Variants in GALNT13 observed in about 807,000 individuals in gnomAD.
GALNT13 encodes the protein polypeptide N-acetylgalactosaminyltransferase 13.
A neutral mutation model predicts 64.2 loss-of-function variants in GALNT13; 28 were observed. That is an observed-to-expected ratio of 0.44 (90% confidence interval 0.32 to 0.60). GALNT13 has a LOEUF of 0.60. GALNT13 is among the 20% of genes least tolerant of loss of function. The pLI is 0.05. For synonymous variants in GALNT13, 214 were observed against 224.6 expected, an observed-to-expected ratio of 0.95 and a Z score of 0.42; for missense variants, 577 against 669.8, an observed-to-expected ratio of 0.86 and a Z score of 1.53.
the GALNT13 span, among the ~76,000 whole-genome samples, chr2:153,794,524 C>CTT: frequency 0.085 from 12,397 of 146,296 alleles, 1,112 homozygotes; most frequent in African/African-American, 0.22. Flanking sequence ...ATTAGAATAA[C>CTT]TTTTTTTTTT....
At chr2:154,240,802 G>A (rs574781373) in intron 4 of GALNT13, among the ~76,000 whole-genome samples, 7 of 152,296 alleles carry the variant, frequency 4.6e-5, no homozygotes, top group South Asian at 2.1e-4. Flanking sequence ...TTGGTGTACC[G>A]GAAGAGTCAC....
the GALNT13 span, among the ~76,000 whole-genome samples, chr2:153,473,370 T>G: frequency 0.032 from 4,835 of 152,248 alleles, 100 homozygotes; most frequent in Middle Eastern, 0.071. Context: ...TATTATATAA[T>G]TAATTTTTCT....
At chr2:153,133,448 A>G in the GALNT13 span, among the ~76,000 whole-genome samples, 1 of 151,812 alleles carries the variant, frequency 6.6e-6, no homozygotes, top group African/African-American at 2.4e-5. Context: ...TGAGAAGGGG[A>G]CCTGTTAACA....
the GALNT13 span, among the ~76,000 whole-genome samples, chr2:153,824,829 C>G: frequency 6.6e-5 from 10 of 152,082 alleles, no homozygotes; most frequent in East Asian, 1.9e-4. Flanking sequence ...GGCACCTCCC[C>G]TATACCTCTC....
the GALNT13 span, chr2:153,478,224 G>T: frequency 6.3e-7 from 1 of 1,599,098 alleles, no homozygotes; most frequent in Non-Finnish European, 8.5e-7. Context: ...TGCCGCGGGG[G>T]CAGAGGGCGG....
the GALNT13 span, chr2:153,354,273 A>T: frequency 6.6e-6 from 1 of 152,228 alleles, no homozygotes; most frequent in Admixed American, 6.5e-5. Flanking sequence ...AGCAAACATC[A>T]CATAAGTGGT....
chr2:153,932,432 C>T (rs1690595212), intron 2 of GALNT13, among the ~76,000 whole-genome samples: 1 of 151,748 alleles, frequency 6.6e-6, no homozygotes, highest in South Asian at 2.1e-4. Flanking sequence ...AGACTTTCTT[C>T]TTAATACTGC....
At chr2:154,236,554 A>G (rs1041413629) in intron 4 of GALNT13, among the ~76,000 whole-genome samples, 16 of 152,080 alleles carry the variant, frequency 1.1e-4, no homozygotes, top group Non-Finnish European at 1.5e-4. Context: ...CAAATTCAGC[A>G]TGTCAATATA....
chr2:153,670,934 A>C, the GALNT13 span, among the ~76,000 whole-genome samples: 1 of 152,356 alleles, frequency 6.6e-6, no homozygotes, highest in Admixed American at 6.5e-5. Flanking sequence ...GATTTGATTA[A>C]GCAGAAGAAA....
At chr2:153,893,229 ATGT>A (rs1558838558) in intron 1 of GALNT13, among the ~76,000 whole-genome samples, 1 of 152,098 alleles carries the variant, frequency 6.6e-6, no homozygotes, top group Non-Finnish European at 1.5e-5. Context: ...TCAAAAAATC[ATGT>A]TTTCTTAACT....
chr2:153,227,774 C>T, the GALNT13 span, among the ~76,000 whole-genome samples: 1 of 152,122 alleles, frequency 6.6e-6, no homozygotes, highest in African/African-American at 2.4e-5. Context: ...TCAGCTAAAA[C>T]AAGTTAATAA....
At chr2:153,575,963 C>T in the GALNT13 span, among the ~76,000 whole-genome samples, 68 of 152,198 alleles carry the variant, frequency 4.5e-4, no homozygotes, top group African/African-American at 1.4e-3. Flanking sequence ...AGTTAGTAGG[C>T]GATGAATGCT....
chr2:154,349,480 T>C (rs1696264838), intron 9 of GALNT13, among the ~76,000 whole-genome samples: 1 of 152,178 alleles, frequency 6.6e-6, no homozygotes, highest in Non-Finnish European at 1.5e-5. Context: ...CCTTAGAAAC[T>C]GGAAAAGTCA....
At chr2:153,203,525 A>G in the GALNT13 span, among the ~76,000 whole-genome samples, 5 of 152,184 alleles carry the variant, frequency 3.3e-5, no homozygotes, top group Admixed American at 6.5e-5. Flanking sequence ...TTAATTTTAC[A>G]GATATGCAAA....
intron 4 of GALNT13, among the ~76,000 whole-genome samples, chr2:154,233,161 G>A (rs1312084309): frequency 1.3e-5 from 2 of 152,004 alleles, no homozygotes; most frequent in Admixed American, 6.6e-5. Context: ...TGATGAAGAA[G>A]GAAACTGAGT....
the GALNT13 span, among the ~76,000 whole-genome samples, chr2:153,749,350 G>A: frequency 6.6e-6 from 1 of 151,882 alleles, no homozygotes; most frequent in Non-Finnish European, 1.5e-5. Context: ...AATAAATTTT[G>A]GCATTGCTTT....
At chr2:153,096,290 T>C in the GALNT13 span, among the ~76,000 whole-genome samples, 50,732 of 151,828 alleles carry the variant, frequency 0.33, 9,389 homozygotes, top group Non-Finnish European at 0.44. Context: ...ACCTAACATA[T>C]GGTCTATCCT....
chr2:153,284,122 G>A, the GALNT13 span, among the ~76,000 whole-genome samples: 1 of 152,180 alleles, frequency 6.6e-6, no homozygotes, highest in Admixed American at 6.5e-5. Context: ...TGCTCTGAAT[G>A]CCTGGAGTTT....
chr2:154,100,386 A>G (rs912683780), intron 3 of GALNT13, among the ~76,000 whole-genome samples: 2 of 152,144 alleles, frequency 1.3e-5, no homozygotes, highest in African/African-American at 4.8e-5. Flanking sequence ...TTCTTTCAGC[A>G]GTACTTCGTA....
Sources: gnomAD v4.1 joint callset for allele counts (sites outside exome capture counted in the v4.1 genomes callset) on GRCh38, gnomAD v4.1.1 for gene constraint, MANE v1.5 for transcripts, NCBI Gene and HGNC (gene_info 2026-07-23, HGNC 2026-07-21) for gene names.